ANKRD12: variants seen among roughly 807,000 people sequenced by gnomAD.
The protein encoded by ANKRD12 is ankyrin repeat domain-containing protein 12.
In ANKRD12, 85 loss-of-function variants were observed where a neutral mutation model predicts 183.4. The ratio of observed to expected loss-of-function variants is 0.46; its 90% CI spans 0.39 to 0.56. ANKRD12 has a LOEUF of 0.56. ANKRD12 is among the 20% of genes least tolerant of loss of function. ANKRD12 has a pLI of 0.00. For synonymous variants in ANKRD12, 914 were observed against 800.2 expected (o/e 1.14, Z -2.40); for missense variants, 2,405 against 2,357.1 (o/e 1.02, Z -0.42).
chr18:9,255,421 A>C lies in ANKRD12; in HGVS notation c.2154A>C (p.Leu718Phe), dbSNP rs769299418. Reference protein sequence around the residue: ...DLFLNMEHESLTLEKKSKLEK... With the variant: ...DLFLNMEHESFTLEKKSKLEK... ...TTTTAAATATGGAACATGAATCCTTAACATTAGAAAAAAAATCAAAATTGG... is the reference window on the plus strand; with the variant it reads ...TTTTAAATATGGAACATGAATCCTTCACATTAGAAAAAAAATCAAAATTGG... Residue 718 changes from leucine to phenylalanine, a missense_variant, in exon 9 of 13, where the codon TTA becomes TTC. Around this residue, in one of 7 missense-constraint regions of ANKRD12, gnomAD observed 1,983 missense variants for 1,725.9 expected, o/e 1.15. Transcript: ENST00000262126. The C allele has an allele frequency of 2.5e-6, 4 of 1,573,076 alleles. No homozygotes were observed. Among genetic ancestry groups the C allele is most frequent in the Non-Finnish European group, 3.4e-6 (4 of 1,168,452 alleles).
At chr18:9,272,572 A>G (rs1260645395) in intron 10 of ANKRD12, among the ~76,000 whole-genome samples, 3 of 152,050 alleles carry the variant, frequency 2.0e-5, no homozygotes, top group African/African-American at 7.2e-5. Flanking sequence ...AAAAAAAAAA[A>G]GAAAAAAGAA....
intron 1 of ANKRD12, among the ~76,000 whole-genome samples, chr18:9,163,034 T>A (rs1482428442): frequency 2.0e-5 from 3 of 152,204 alleles, no homozygotes; most frequent in East Asian, 3.8e-4. Context: ...GTGCAGAAGC[T>A]CCTTAGTTTA....
chr18:9,196,955 C>G (rs1437217102), intron 3 of ANKRD12, among the ~76,000 whole-genome samples: 1 of 152,048 alleles, frequency 6.6e-6, no homozygotes, highest in Non-Finnish European at 1.5e-5. Flanking sequence ...TCAGATTGAA[C>G]TCTTCTCGCA....
intron 1 of ANKRD12, among the ~76,000 whole-genome samples, chr18:9,162,305 T>C (rs1418106573): frequency 6.6e-6 from 1 of 152,018 alleles, no homozygotes; most frequent in African/African-American, 2.4e-5. Flanking sequence ...GTGTTTGGTT[T>C]TCTTTTCCTG....
At chr18:9,198,596 C>T (rs1049228660) in intron 3 of ANKRD12, among the ~76,000 whole-genome samples, 2 of 152,146 alleles carry the variant, frequency 1.3e-5, no homozygotes, top group Non-Finnish European at 2.9e-5. Flanking sequence ...GTCGCCCAGG[C>T]TGGAGTGCAG....
At chr18:9,223,460 A>G (rs796087205) in intron 8 of ANKRD12, among the ~76,000 whole-genome samples, 1 of 152,086 alleles carries the variant, frequency 6.6e-6, no homozygotes, top group Non-Finnish European at 1.5e-5. Context: ...AATACAAAAA[A>G]AAACCCAAAA....
At chr18:9,171,587 A>T (rs1009300592) in intron 1 of ANKRD12, among the ~76,000 whole-genome samples, 1 of 152,062 alleles carries the variant, frequency 6.6e-6, no homozygotes, top group Admixed American at 6.6e-5. Flanking sequence ...TTTCCTTTCC[A>T]TATTTAGTGC....
rs1223879861 is a variant in ANKRD12 at position 9,257,845 on chromosome 18, T to A, written c.4578T>A (p.Asn1526Lys). The A allele has an allele frequency of 6.2e-6, 10 of 1,613,564 alleles. No homozygotes were observed. The highest frequency in any genetic ancestry group is 7.6e-6 in the Non-Finnish European group (9 of 1,179,888). The change falls in exon 9 of 13, where the codon AAT (asparagine) becomes AAA (lysine). Residue 1526 changes from asparagine to lysine, a missense_variant. By Grantham distance (94) the Asn-to-Lys change is moderately conservative. Transcript: ENST00000262126. ...AGCCAGGTATTTTACAACAAAAAAA[T>A]GCAGTTCAGATTATTAGTTCTGCTT... is the stretch of plus-strand genomic sequence containing the variant. ...NQEPGILQQK[N>K]AVQIISSALD...
intron 7 of ANKRD12, among the ~76,000 whole-genome samples, chr18:9,218,665 CT>C (rs58382120): frequency 0.22 from 31,161 of 142,728 alleles, 3,650 homozygotes; most frequent in Middle Eastern, 0.37. Context: ...CTTCTTTTTT[CT>C]TTTTTTTTTT....
chr18:9,138,275 G>A (rs1314835002), intron 1 of ANKRD12, among the ~76,000 whole-genome samples: 1 of 152,242 alleles, frequency 6.6e-6, no homozygotes, highest in Non-Finnish European at 1.5e-5. Context: ...CACTTTGGGA[G>A]GCCGACGTGG....
chr18:9,142,930 A>G (rs2078369493), intron 1 of ANKRD12, among the ~76,000 whole-genome samples: 3 of 152,292 alleles, frequency 2.0e-5, no homozygotes, highest in Non-Finnish European at 2.9e-5. Context: ...AGACAATTAG[A>G]TAAGAAAATT....
At chr18:9,226,433 GA>G (rs34334105) in intron 8 of ANKRD12, among the ~76,000 whole-genome samples, 1 of 150,948 alleles carries the variant, frequency 6.6e-6, no homozygotes, top group East Asian at 1.9e-4. Flanking sequence ...CTCAAAAAAA[GA>G]AAAAAAAATT....
intron 8 of ANKRD12, among the ~76,000 whole-genome samples, chr18:9,245,532 A>T (rs1192352655): frequency 1.3e-5 from 2 of 152,194 alleles, no homozygotes; most frequent in African/African-American, 4.8e-5. Flanking sequence ...TTTTTTCTTT[A>T]TAAACTATAT....
Position 9,236,097 on chromosome 18 carries a change from A to G in ANKRD12, c.943+14098A>G, listed in dbSNP as rs143853327. On this transcript the variant is annotated intron_variant, in intron 8 of 12. Coordinates refer to ENST00000262126, the MANE Select transcript of ANKRD12 (RefSeq NM_015208.5). ...AAACAATCACGGCTTCAACTAAACT[A>G]TCACCCATCCAAAAGTGGAACTAAC... is the stretch of plus-strand genomic sequence containing the variant. Among the ~76,000 whole-genome samples the G allele has an allele frequency of 1.3e-4, 20 of 152,306 alleles. No homozygotes were observed. The East Asian group carries it at 1.9e-3, about 15-fold the overall frequency.
chr18:9,211,207 G>A (rs2035785304), intron 5 of ANKRD12, among the ~76,000 whole-genome samples: 1 of 152,046 alleles, frequency 6.6e-6, no homozygotes, highest in African/African-American at 2.4e-5. Flanking sequence ...CAGAAGTGTG[G>A]ACTCCAGCCT....
At chr18:9,175,006 G>A (rs1403837401) in intron 1 of ANKRD12, among the ~76,000 whole-genome samples, 1 of 152,020 alleles carries the variant, frequency 6.6e-6, no homozygotes, top group East Asian at 1.9e-4. Context: ...CCGGGCTGGA[G>A]TGCAGTGGTG....
At chr18:9,209,989 C>T (rs2035700533) in intron 5 of ANKRD12, among the ~76,000 whole-genome samples, 1 of 151,930 alleles carries the variant, frequency 6.6e-6, no homozygotes, top group African/African-American at 2.4e-5. Flanking sequence ...AAATACGTAT[C>T]TTTTGTTATG....
chr18:9,222,537 T>G (rs1252873009), intron 8 of ANKRD12, among the ~76,000 whole-genome samples: 1 of 151,986 alleles, frequency 6.6e-6, no homozygotes, highest in Non-Finnish European at 1.5e-5. Context: ...TTGAAGAAAG[T>G]CGTCTTTATA....
chr18:9,193,988 T>G (rs1279562177), intron 2 of ANKRD12, among the ~76,000 whole-genome samples: 1 of 152,236 alleles, frequency 6.6e-6, no homozygotes. Flanking sequence ...TATTTTTGTT[T>G]GGTATGTCAT....
Sources: gnomAD v4.1 joint callset for allele counts (sites outside exome capture counted in the v4.1 genomes callset) on GRCh38, gnomAD v4.1.1 for gene constraint, gnomAD v4.1.1 regional missense constraint, MANE v1.5 for transcripts, NCBI Gene and HGNC (gene_info 2026-07-23, HGNC 2026-07-21) for gene names.